The following PTPRD variants were observed in gnomAD, a reference collection of about 807,000 sequenced individuals.
PTPRD encodes receptor-type tyrosine-protein phosphatase delta.
Under a neutral mutation model 214.5 loss-of-function variants are expected in PTPRD, and 34 were observed. That is an observed-to-expected ratio of 0.16 (90% CI 0.12 to 0.21). The LOEUF (loss-of-function observed/expected upper bound fraction) is 0.21. Ranked by LOEUF, PTPRD falls within the 10% of genes least tolerant of loss-of-function variation. The pLI is 1.00. For synonymous variants in PTPRD, 1,128 were observed against 845.7 expected, an observed-to-expected ratio of 1.33 and a Z score of -5.79; for missense variants, 2,545 against 2,398.7, an observed-to-expected ratio of 1.06 and a Z score of -1.27.
chr9:9,132,930 G>C (rs998192862), intron 10 of PTPRD, among the ~76,000 whole-genome samples: 2 of 152,134 alleles, frequency 1.3e-5, no homozygotes, highest in Admixed American at 6.5e-5. Flanking sequence ...ATAATATTAA[G>C]TTATATTCAT....
At chr9:9,745,638 C>T (rs751570705) in intron 6 of PTPRD, among the ~76,000 whole-genome samples, 1 of 152,096 alleles carries the variant, frequency 6.6e-6, no homozygotes, top group African/African-American at 2.4e-5. Flanking sequence ...ATTCTGAACT[C>T]AAGAGCAGAA....
rs553197053 is a variant in PTPRD at position 8,832,440 on chromosome 9, A to C, written c.-103-98494T>G. Among the ~76,000 whole-genome samples the C allele has an allele frequency of 3.4e-5, 5 of 146,474 alleles. No individual in the cohort carries two copies. In the South Asian group the frequency reaches 1.1e-3, roughly 32 times the overall value. On this transcript the variant is annotated intron_variant, in intron 11 of 45. Transcript: ENST00000381196. ...TTTTTTTTTTTTTTTGTCAAATAAC[A>C]CTTCACAATGTGAAAATTATGGGGA... is the stretch of plus-strand genomic sequence containing the variant.
chr9:10,040,175 T>C (rs2097269388), intron 3 of PTPRD, among the ~76,000 whole-genome samples: 1 of 152,032 alleles, frequency 6.6e-6, no homozygotes, highest in Non-Finnish European at 1.5e-5. Context: ...GTGAGCAAGC[T>C]TTTTTTGGTT....
At chr9:9,243,836 G>C (rs1307606867) in intron 9 of PTPRD, among the ~76,000 whole-genome samples, 1 of 152,168 alleles carries the variant, frequency 6.6e-6, no homozygotes, top group Non-Finnish European at 1.5e-5. Flanking sequence ...ATTAGGAAAA[G>C]AGGAAGTCAA....
intron 11 of PTPRD, among the ~76,000 whole-genome samples, chr9:8,959,798 T>C (rs1588898657): frequency 6.6e-6 from 1 of 152,150 alleles, no homozygotes; most frequent in South Asian, 2.1e-4. Context: ...TGCTTTAGAA[T>C]ATTTAAAAAC....
intron 10 of PTPRD, among the ~76,000 whole-genome samples, chr9:9,147,003 T>A (rs1398678921): frequency 6.6e-6 from 1 of 152,184 alleles, no homozygotes; most frequent in African/African-American, 2.4e-5. Context: ...TGGACAGATT[T>A]TGAAATTCTT....
intron 11 of PTPRD, among the ~76,000 whole-genome samples, chr9:8,758,302 C>G (rs2094160185): frequency 6.6e-6 from 1 of 152,166 alleles, no homozygotes; most frequent in South Asian, 2.1e-4. Flanking sequence ...TAGTACCACT[C>G]TAGATGCATA....
At chr9:10,544,761 T>C (rs969938134) in intron 2 of PTPRD, among the ~76,000 whole-genome samples, 4 of 152,204 alleles carry the variant, frequency 2.6e-5, no homozygotes, top group Admixed American at 2.6e-4. Flanking sequence ...AAAATAGGAA[T>C]AGCCAAAGTC....
At chr9:8,989,846 C>T (rs1021515439) in intron 11 of PTPRD, among the ~76,000 whole-genome samples, 1 of 152,018 alleles carries the variant, frequency 6.6e-6, no homozygotes, top group Non-Finnish European at 1.5e-5. Context: ...CAAAAAGAAA[C>T]ATTAAGGAAA....
Position 8,486,065 on chromosome 9 carries a change from G to T in PTPRD, c.2752C>A (p.Pro918Thr), listed in dbSNP as rs779664035. Residue 918 changes from proline to threonine, a missense_variant, in exon 28 of 46, where the codon CCA becomes ACA. Pro to Thr is a conservative substitution (Grantham distance 38). Transcript: ENST00000381196. ...TGAAGGTTTTGAGGGAATCCAGTTG[G>T]TACTTCTTCTGGAATGGAAATCTCC... is the stretch of plus-strand genomic sequence containing the variant. ...VKEISIPEEV[P>T]TGFPQNLHSE... 3.7e-6 allele frequency: 6 copies of T among 1,614,024 alleles called. No homozygotes were observed. Among genetic ancestry groups the T allele is most frequent in the Admixed American group, 3.3e-5 (2 of 59,998 alleles).
intron 7 of PTPRD, among the ~76,000 whole-genome samples, chr9:9,592,606 C>T (rs960327207): frequency 6.6e-6 from 1 of 152,036 alleles, no homozygotes; most frequent in Admixed American, 6.6e-5. Flanking sequence ...TAAGTTGATA[C>T]TCCTTTCGTC....
intron 11 of PTPRD, among the ~76,000 whole-genome samples, chr9:8,796,133 CA>C (rs1239363866): frequency 3.9e-5 from 6 of 151,982 alleles, no homozygotes; most frequent in Non-Finnish European, 8.8e-5. Flanking sequence ...TGCTATAGGC[CA>C]ATAGATGTTT....
At chr9:9,991,639 G>A (rs13297202) in intron 4 of PTPRD, among the ~76,000 whole-genome samples, 15,250 of 152,158 alleles carry the variant, frequency 0.1, 852 homozygotes, top group Non-Finnish European at 0.13. Flanking sequence ...GGGACTACAG[G>A]CATGAGCCAC....
At chr9:9,514,809 T>C (rs541415555) in intron 8 of PTPRD, among the ~76,000 whole-genome samples, 2 of 152,156 alleles carry the variant, frequency 1.3e-5, no homozygotes, top group East Asian at 3.9e-4. Flanking sequence ...CAACTGCCTT[T>C]GCAGCACCGT....
At chr9:9,464,407 C>T (rs1589126771) in intron 8 of PTPRD, among the ~76,000 whole-genome samples, 1 of 152,076 alleles carries the variant, frequency 6.6e-6, no homozygotes, top group African/African-American at 2.4e-5. Flanking sequence ...TGTATAGTTA[C>T]TATCATTGCA....
chr9:8,518,544 A>G (rs1463655227), intron 20 of PTPRD, 115 bp from the exon 21 acceptor site: 1 of 752,476 alleles, frequency 1.3e-6, no homozygotes, highest in African/African-American at 1.8e-5. Flanking sequence ...AGATTTAATT[A>G]AATGAAATTA....
intron 10 of PTPRD, among the ~76,000 whole-genome samples, chr9:9,144,056 C>A (rs1201594544): frequency 2.6e-5 from 4 of 152,146 alleles, no homozygotes; most frequent in African/African-American, 9.7e-5. Context: ...GGCAACACAG[C>A]CAAATGTCTG....
intron 10 of PTPRD, among the ~76,000 whole-genome samples, chr9:9,107,374 C>T (rs1486190080): frequency 6.6e-6 from 1 of 152,114 alleles, no homozygotes; most frequent in African/African-American, 2.4e-5. Context: ...TGCTTGATTG[C>T]CAATAAGTGT....
At chr9:9,080,571 A>G (rs571960788) in intron 10 of PTPRD, among the ~76,000 whole-genome samples, 1 of 152,064 alleles carries the variant, frequency 6.6e-6, no homozygotes, top group Non-Finnish European at 1.5e-5. Flanking sequence ...ACATAGCTAC[A>G]GGCAGTAGAG....
Sources: allele counts gnomAD v4.1 joint callset (sites outside exome capture counted in the v4.1 genomes callset), GRCh38; gene constraint gnomAD v4.1.1; transcripts MANE v1.5; gene names NCBI Gene and HGNC (gene_info 2026-07-23, HGNC 2026-07-21).